Variants in LRRC39 observed in about 807,000 individuals in gnomAD.
The protein encoded by LRRC39 is leucine-rich repeat-containing protein 39.
A neutral mutation model predicts 39.7 loss-of-function variants in LRRC39; 35 were observed. The ratio of observed to expected loss-of-function variants is 0.88; its 90% CI spans 0.67 to 1.17. The LOEUF (loss-of-function observed/expected upper bound fraction) is 1.17, where lower values mean the gene tolerates loss of function less well. Among genes scored for constraint, LRRC39 ranks in the 50% most tolerant of loss-of-function variants. The pLI, the probability that LRRC39 is intolerant of heterozygous loss-of-function variation, is 0.00. For missense variants in LRRC39, 357 were observed against 385.8 expected (o/e 0.93, Z 0.62); for synonymous variants, 113 against 134.1 (o/e 0.84, Z 1.09).
intron 3 of LRRC39, among the ~76,000 whole-genome samples, chr1:100,162,669 A>G (rs1292037612): frequency 6.6e-6 from 1 of 152,122 alleles, no homozygotes; most frequent in Non-Finnish European, 1.5e-5. Context: ...AAGAAACTGG[A>G]AAACCTTTTG....
Position 100,149,073 on chromosome 1 carries a change from G to A in LRRC39, c.977C>T (p.Thr326Ile). The A allele has an allele frequency of 6.2e-7, 1 of 1,602,914 alleles. No individual in the cohort carries two copies. Residue 326 changes from threonine to isoleucine, a missense_variant, in exon 10 of 10, where the codon ACT (threonine) becomes ATT (isoleucine). Physicochemically the swap from Thr to Ile is moderately conservative, Grantham distance 89. Transcript: ENST00000370137. ...RADHQVNGSTTLPISINTDG is the reference protein window; with the variant it reads ...RADHQVNGSTILPISINTDG ...ATCCGTATTTATGGAGATTGGTAAA[G>A]TAGTTGAACCGTTGACTTGGTGATC...
intron 3 of LRRC39, among the ~76,000 whole-genome samples, chr1:100,164,678 T>C (rs1310774153): frequency 6.6e-6 from 1 of 152,114 alleles, no homozygotes; most frequent in African/African-American, 2.4e-5. Flanking sequence ...TTGCGTCAGT[T>C]ATGATTGTTT....
rs1280025866 is a variant in LRRC39, at chr1:100,159,302, T to C, written c.333A>G (p.Leu111=). 1 of 1,610,596 alleles carries C rather than the reference T, an allele frequency of 6.2e-7. No individual in the cohort carries two copies. Among genetic ancestry groups the C allele is most frequent in the East Asian group, 2.2e-5 (1 of 44,648 alleles). The stretch of plus-strand genomic sequence containing the variant: ...CTGAAATTGTGTTTCGAGATAAATC[T>C]AACACAATGAGGTTCTGGAATCTTC... ...FIGRFQNLIV[L]DLSRNTISEI... is the part of the protein sequence containing the mutation. Residue 111 remains leucine (L), a synonymous_variant, in exon 5 of 10, where the codon TTA becomes TTG. Coordinates refer to ENST00000370137, the MANE Select transcript of LRRC39 (RefSeq NM_144620.4).
At chr1:100,163,404 A>G (rs1659021542) in intron 3 of LRRC39, among the ~76,000 whole-genome samples, 3 of 152,138 alleles carry the variant, frequency 2.0e-5, no homozygotes, top group Admixed American at 6.5e-5. Context: ...CCATCTCTGT[A>G]AAGATCGCTA....
Position 100,160,454 on chromosome 1 carries a change from A to G in LRRC39, c.219+12T>C, listed in dbSNP as rs1404364244. 1 of 1,604,950 alleles carries G rather than the reference A, an allele frequency of 6.2e-7. No homozygotes were observed. Among genetic ancestry groups the G allele is most frequent in the Non-Finnish European group, 8.5e-7 (1 of 1,173,196 alleles). ...CAAAATGTGGAAAATCAAATATTCT[A>G]TAAAAGCTTACCTTCCATTCCTCTT... On this transcript the variant is annotated intron_variant, in intron 4 of 9. Coordinates refer to ENST00000370137, the MANE Select transcript of LRRC39 (RefSeq NM_144620.4).
chr1:100,177,963 A>G (rs1247360987), intron 1 of LRRC39, among the ~76,000 whole-genome samples, 172 bp downstream of exon 1: 1 of 152,234 alleles, frequency 6.6e-6, no homozygotes, highest in Non-Finnish European at 1.5e-5. Context: ...GAGGAGCACA[A>G]TTATATGAGT....
At position 100,159,187 on chromosome 1, in the gene LRRC39, C is replaced by CA. The variant is rs1658690940; in HGVS notation, c.376+71dup. ...TAAAGAGGTCTTTATTCCATGTATC[C>CA]AAAAAAATCTTAATAAAAAGCACAT... On this transcript the variant is annotated intron_variant, in intron 5 of 9. Coordinates refer to ENST00000370137, the MANE Select transcript of LRRC39 (RefSeq NM_144620.4). The CA allele has an allele frequency of 8.7e-6, 12 of 1,380,604 alleles. No homozygotes were observed. In the African/African-American group the frequency reaches 1.0e-4, roughly 12 times the overall value. 85.5% of individuals were successfully genotyped at this position (1,380,604 alleles called of 1,614,324 possible). A position where few individuals can be genotyped will look rare whatever the true frequency, so the allele number is the denominator to read the frequency against.
intron 3 of LRRC39, among the ~76,000 whole-genome samples, chr1:100,165,302 A>G (rs1659165314): frequency 6.6e-6 from 1 of 152,198 alleles, no homozygotes; most frequent in African/African-American, 2.4e-5. Context: ...GATGATGCCA[A>G]AAAAGAACAA....
chr1:100,175,308 C>G (rs1295351646), intron 1 of LRRC39, among the ~76,000 whole-genome samples: 2 of 151,454 alleles, frequency 1.3e-5, no homozygotes, highest in Non-Finnish European at 2.9e-5. Flanking sequence ...TCTGCCTCAG[C>G]CTTCAGAATA....
chr1:100,160,527 CT>C lies in LRRC39; in HGVS notation c.157del (p.Arg53GlufsTer13). 6.2e-7 allele frequency: 1 copy of C among 1,613,924 alleles called. No homozygotes were observed. Among genetic ancestry groups the C allele is most frequent in the Non-Finnish European group, 8.5e-7 (1 of 1,179,934 alleles). On this transcript the variant is annotated frameshift_variant, in exon 4 of 10. Coordinates refer to ENST00000370137, the MANE Select transcript of LRRC39 (RefSeq NM_144620.4). LOFTEE classifies it high-confidence loss of function. ...TCCATCTTCCCTGGTGACCTTTTCT[CT>C]TAGCTTGGTTAAGCTTACTCGTTCT... ...WEERVSLTKL[R>X]EKVTREDGRV...
chr1:100,175,010 TG>T (rs1659861208), intron 1 of LRRC39, among the ~76,000 whole-genome samples: 1 of 152,216 alleles, frequency 6.6e-6, no homozygotes, highest in African/African-American at 2.4e-5. Context: ...CTCCCTCTTT[TG>T]CTCCTGTTCT....
intron 9 of LRRC39, chr1:100,149,556 A>T: frequency 2.2e-6 from 2 of 916,410 alleles, no homozygotes; most frequent in Non-Finnish European, 3.2e-6. Context: ...TCTGAAGTTG[A>T]TTAGCTATCT....
chr1:100,158,692 T>G (rs1658653293), intron 5 of LRRC39, among the ~76,000 whole-genome samples: 1 of 151,928 alleles, frequency 6.6e-6, no homozygotes, highest in South Asian at 2.1e-4. Flanking sequence ...TGCCTCGGCC[T>G]CCTAAAGTGC....
intron 9 of LRRC39, chr1:100,149,369 C>T: frequency 6.5e-7 from 1 of 1,544,054 alleles, no homozygotes; most frequent in African/African-American, 1.4e-5. Context: ...AAGTCACCTT[C>T]AAATTTCCAG....
At chr1:100,174,429 C>G (rs1248049612) in intron 1 of LRRC39, among the ~76,000 whole-genome samples, 1 of 152,020 alleles carries the variant, frequency 6.6e-6, no homozygotes, top group Non-Finnish European at 1.5e-5. Flanking sequence ...TCCCAAGTAG[C>G]TGGGACTACA....
chr1:100,154,595 A>G (rs186819989), intron 8 of LRRC39, among the ~76,000 whole-genome samples: 42 of 152,350 alleles, frequency 2.8e-4, no homozygotes, highest in Admixed American at 1.8e-3. Flanking sequence ...ACATATTTTA[A>G]TAAGAAACAA....
At position 100,148,934 on chromosome 1, in the gene LRRC39, G is replaced by A. The variant is rs1570755104; in HGVS notation, c.*108C>T. 7.7e-6 allele frequency: 9 copies of A among 1,174,192 alleles called. No individual in the cohort carries two copies. In the East Asian group the frequency reaches 2.5e-4, roughly 32 times the overall value. 72.7% of individuals were successfully genotyped at this position (1,174,192 alleles called of 1,614,324 possible). A position where few individuals can be genotyped will look rare whatever the true frequency, so the allele number is the denominator to read the frequency against. ...GCAAATAATATGAACTTTAAAAAATGCTGTGGCCTCATTAAACTTTGGTAA... is the reference window on the plus strand; with the variant it reads ...GCAAATAATATGAACTTTAAAAAATACTGTGGCCTCATTAAACTTTGGTAA... On this transcript the variant is annotated 3_prime_UTR_variant, in exon 10 of 10. Coordinates refer to ENST00000370137, the MANE Select transcript of LRRC39 (RefSeq NM_144620.4).
At chr1:100,178,396 T>G (rs1337157093), upstream of LRRC39, 6 of 152,198 alleles carry the variant, frequency 3.9e-5, no homozygotes, top group Non-Finnish European at 8.8e-5. Flanking sequence ...TATAAAACTA[T>G]CAGGCATAAC....
chr1:100,176,091 A>T (rs1362131633), intron 1 of LRRC39, among the ~76,000 whole-genome samples: 3 of 152,248 alleles, frequency 2.0e-5, no homozygotes, highest in Non-Finnish European at 2.9e-5. Flanking sequence ...TGTTCCCAGC[A>T]ATGTTTTACA....
Sources: gnomAD v4.1 joint callset for allele counts (sites outside exome capture counted in the v4.1 genomes callset) on GRCh38, gnomAD v4.1.1 for gene constraint, MANE v1.5 for transcripts, NCBI Gene and HGNC (gene_info 2026-07-23, HGNC 2026-07-21) for gene names.